The following WDR70 variants were observed in gnomAD, a reference collection of about 807,000 sequenced individuals.
The protein encoded by WDR70 is WD repeat-containing protein 70.
In WDR70, 53 loss-of-function variants were observed where a neutral mutation model predicts 88.6. That is an observed-to-expected ratio of 0.60 (90% CI 0.48 to 0.75). The LOEUF is 0.75. Among genes scored for constraint, WDR70 ranks in the 30% least tolerant of loss-of-function variants. The pLI is 0.00. For synonymous variants in WDR70, 280 were observed against 270.0 expected, an observed-to-expected ratio of 1.04 and a Z score of -0.36; for missense variants, 610 against 823.2, an observed-to-expected ratio of 0.74 and a Z score of 3.17.
chr5:37,433,040 C>T (rs967600144), intron 5 of WDR70, among the ~76,000 whole-genome samples: 2 of 152,058 alleles, frequency 1.3e-5, no homozygotes, highest in African/African-American at 4.8e-5. Context: ...GCCCAGAACA[C>T]CTTGGCGATA....
intron 17 of WDR70, among the ~76,000 whole-genome samples, chr5:37,750,714 C>T (rs893664565): frequency 6.6e-6 from 1 of 152,154 alleles, no homozygotes. Flanking sequence ...TGCACACACT[C>T]TCTTGTCTGC....
At chr5:37,659,852 CA>C (rs1237163262) in intron 10 of WDR70, among the ~76,000 whole-genome samples, 9 of 152,156 alleles carry the variant, frequency 5.9e-5, no homozygotes, top group African/African-American at 2.2e-4. Context: ...TAATTACCTC[CA>C]AAAGGCCTCA....
intron 9 of WDR70, 55 bp from the exon 10 acceptor site, chr5:37,605,009 C>G: frequency 6.9e-7 from 1 of 1,443,616 alleles, no homozygotes; most frequent in East Asian, 2.5e-5. Flanking sequence ...ATTTTAACCT[C>G]CCCCCTCCTT....
chr5:37,624,487 G>A (rs1354684568), intron 10 of WDR70, among the ~76,000 whole-genome samples: 1 of 152,108 alleles, frequency 6.6e-6, no homozygotes, highest in African/African-American at 2.4e-5. Flanking sequence ...TGTGAATAGG[G>A]CAGCAGTACA....
chr5:37,479,314 T>A (rs1405396935), intron 7 of WDR70, among the ~76,000 whole-genome samples: 6 of 149,316 alleles, frequency 4.0e-5, no homozygotes, highest in Non-Finnish European at 8.9e-5. Flanking sequence ...CAGTGGAGAG[T>A]GGGAAGAGAG....
intron 10 of WDR70, among the ~76,000 whole-genome samples, chr5:37,669,143 C>G (rs1745947595): frequency 6.6e-6 from 1 of 152,062 alleles, no homozygotes. Flanking sequence ...CAAGAAAATT[C>G]TGTATTTTCT....
chr5:37,678,546 G>A (rs1197667159), intron 10 of WDR70, among the ~76,000 whole-genome samples: 1 of 152,112 alleles, frequency 6.6e-6, no homozygotes. Context: ...CTTTAAGAAT[G>A]TTGAATATTG....
intron 9 of WDR70, among the ~76,000 whole-genome samples, chr5:37,563,963 C>T (rs1272000446): frequency 1.4e-5 from 2 of 142,636 alleles, no homozygotes; most frequent in African/African-American, 2.5e-5. Flanking sequence ...ACATCTCAGA[C>T]GATGGGCGGC....
intron 5 of WDR70, among the ~76,000 whole-genome samples, chr5:37,417,432 C>T (rs1214179303): frequency 1.3e-5 from 2 of 152,174 alleles, no homozygotes; most frequent in African/African-American, 2.4e-5. Flanking sequence ...CTCATATTGC[C>T]CAGGCTGGTC....
At chr5:37,552,163 G>T (rs562055624) in intron 9 of WDR70, among the ~76,000 whole-genome samples, 1 of 152,090 alleles carries the variant, frequency 6.6e-6, no homozygotes, top group Admixed American at 6.6e-5. Flanking sequence ...TAAATGTGAT[G>T]ATGTATAGAG....
intron 5 of WDR70, among the ~76,000 whole-genome samples, chr5:37,414,986 T>G (rs1202246580): frequency 1.3e-5 from 2 of 150,620 alleles, no homozygotes. Context: ...TGATGACTTT[T>G]AAGGAGCATG....
rs759843007 is a variant in WDR70 at position 37,753,315 on chromosome 5, A to G, written c.*742A>G. The G allele has an allele frequency of 2.6e-5, 4 of 152,214 alleles. No individual in the cohort carries two copies. Among genetic ancestry groups the G allele is most frequent in the Admixed American group, 6.5e-5 (1 of 15,280 alleles). 9.4% of individuals were successfully genotyped at this position (152,214 alleles called of 1,614,324 possible). A position where few individuals can be genotyped will look rare whatever the true frequency, so the allele number is the denominator to read the frequency against. On this transcript the variant is annotated 3_prime_UTR_variant, in exon 18 of 18. Transcript: ENST00000265107. The stretch of plus-strand genomic sequence containing the variant: ...AGTAAATGTATACCAAATATTTGCT[A>G]TTTTAAAATAGGGCTAATATTTACT...
At position 37,443,287 on chromosome 5, in the gene WDR70, G is replaced by A; in HGVS notation, c.601G>A (p.Gly201Arg). 1.2e-6 allele frequency: 2 copies of A among 1,613,750 alleles called. No homozygotes were observed. The highest frequency in any genetic ancestry group is 1.7e-6 in the Non-Finnish European group (2 of 1,179,840). Reference protein sequence around the residue: ...DPSGARLVTGGYDYDVKFWDF... With the variant: ...DPSGARLVTGRYDYDVKFWDF... The stretch of plus-strand genomic sequence containing the variant: ...CTCAGGTGCCCGTTTGGTGACAGGA[G>A]GATATGACTATGATGTTAAGTTTTG... The change falls in exon 7 of 18, where the codon GGA becomes AGA. Residue 201 changes from glycine to arginine, a missense_variant. By Grantham distance (125) the Gly-to-Arg change is moderately radical (BLOSUM62 -2). Transcript: ENST00000265107.
chr5:37,741,286 A>G (rs1267211122), intron 17 of WDR70, among the ~76,000 whole-genome samples: 2 of 151,450 alleles, frequency 1.3e-5, no homozygotes, highest in Non-Finnish European at 2.9e-5. Context: ...TTGGTAGAAT[A>G]AACATGAGAT....
intron 3 of WDR70, among the ~76,000 whole-genome samples, chr5:37,385,517 T>TAA (rs1748580926): frequency 4.9e-5 from 1 of 20,582 alleles, no homozygotes; most frequent in African/African-American, 2.3e-4. Context: ...AGAGCCTGTC[T>TAA]CAAAAAAAAA....
chr5:37,620,142 A>T (rs776800900), intron 10 of WDR70: 15 of 152,164 alleles, frequency 9.9e-5, no homozygotes, highest in Non-Finnish European at 2.1e-4. Flanking sequence ...GCTTTAGCCA[A>T]CAAAGTAATG....
At chr5:37,505,757 C>T in intron 8 of WDR70, 1 of 1,378,502 alleles carries the variant, frequency 7.3e-7, no homozygotes, top group South Asian at 1.2e-5. Context: ...ACACGTTGGA[C>T]CCTCTCAAGT....
At chr5:37,389,613 C>T (rs182752157) in intron 3 of WDR70, among the ~76,000 whole-genome samples, 14 of 152,218 alleles carry the variant, frequency 9.2e-5, no homozygotes, top group Admixed American at 5.9e-4. Context: ...GGGATTTCCC[C>T]GTGTTCGCCA....
At chr5:37,404,388 AT>A (rs1749291046) in intron 5 of WDR70, among the ~76,000 whole-genome samples, 1 of 152,200 alleles carries the variant, frequency 6.6e-6, no homozygotes, top group African/African-American at 2.4e-5. Flanking sequence ...TGCTTTTTTT[AT>A]GATAGTGAAG....
Sources: allele counts gnomAD v4.1 joint callset (sites outside exome capture counted in the v4.1 genomes callset), GRCh38; gene constraint gnomAD v4.1.1; transcripts MANE v1.5; gene names NCBI Gene and HGNC (gene_info 2026-07-23, HGNC 2026-07-21).